The following CNNM4 variants were observed in gnomAD, a reference collection of about 807,000 sequenced individuals.
CNNM4 encodes the protein metal transporter CNNM4.
Under a neutral mutation model 53.7 loss-of-function variants are expected in CNNM4, and 32 were observed. That is an observed-to-expected ratio of 0.60 (90% CI 0.45 to 0.80). CNNM4 has a LOEUF of 0.80. CNNM4 is among the 30% of genes least tolerant of loss of function. The pLI, the probability that CNNM4 is intolerant of heterozygous loss-of-function variation, is 0.00. For synonymous variants in CNNM4, 410 were observed against 440.0 expected (o/e 0.93, Z 0.85); for missense variants, 784 against 1,022.0 (o/e 0.77, Z 3.17).
intron 1 of CNNM4, among the ~76,000 whole-genome samples, chr2:96,795,633 T>C (rs1316235371): frequency 6.6e-6 from 1 of 152,100 alleles, no homozygotes; most frequent in Non-Finnish European, 1.5e-5. Context: ...CTTAAAGACC[T>C]GGAAAACATC....
At chr2:96,795,082 T>C (rs2079091307) in intron 1 of CNNM4, among the ~76,000 whole-genome samples, 1 of 152,264 alleles carries the variant, frequency 6.6e-6, no homozygotes, top group Non-Finnish European at 1.5e-5. Context: ...ATCTGAAATC[T>C]GAAACACTTC....
intron 1 of CNNM4, among the ~76,000 whole-genome samples, chr2:96,783,988 C>T (rs1339976608): frequency 6.6e-6 from 1 of 152,196 alleles, no homozygotes. Flanking sequence ...AGAAAATACA[C>T]AGTTAACAGT....
Position 96,760,977 on chromosome 2 carries a change from G to A in CNNM4, c.-23G>A. On this transcript the variant is annotated 5_prime_UTR_variant, in exon 1 of 7. Transcript: ENST00000377075. Reference sequence around the variant, plus strand: ...CGCGCGGCGTGGCGCGGGGAGCGGCGGCGGCGGCAGAGCCAGAGCAACATG... The same window carrying A: ...CGCGCGGCGTGGCGCGGGGAGCGGCAGCGGCGGCAGAGCCAGAGCAACATG... 3 of 1,040,884 alleles carry A rather than the reference G, an allele frequency of 2.9e-6. No homozygotes were observed. The highest frequency in any genetic ancestry group is 3.5e-6 in the Non-Finnish European group (3 of 866,360). 64.5% of individuals were successfully genotyped at this position (1,040,884 alleles called of 1,614,324 possible).
rs750802395 is a variant in CNNM4, at chr2:96,809,540, C to T, written c.*23C>T. ...TGACAGGAGGGCCCGGGGCCCCCTG[C>T]CCACCCTGCGGGGGCCTCCCCAGTG... On this transcript the variant is annotated 3_prime_UTR_variant, in exon 7 of 7. Coordinates refer to ENST00000377075, the MANE Select transcript of CNNM4 (RefSeq NM_020184.4). 4.3e-6 allele frequency: 7 copies of T among 1,611,114 alleles called. No individual in the cohort carries two copies. The East Asian group carries it at 1.3e-4, about 31-fold the overall frequency.
chr2:96,761,669 A>G lies in CNNM4; in HGVS notation c.670A>G (p.Lys224Glu). The G allele has an allele frequency of 6.2e-7, 1 of 1,611,092 alleles. No individual in the cohort carries two copies. Among genetic ancestry groups the G allele is most frequent in the Non-Finnish European group, 8.5e-7 (1 of 1,179,978 alleles). ...LRIVQNCGTE[K>E]ERRYARKIEP... Reference sequence around the variant, plus strand: ...CATCGTGCAGAACTGTGGCACCGAGAAGGAGAGGCGCTATGCCCGCAAGAT... The same window carrying G: ...CATCGTGCAGAACTGTGGCACCGAGGAGGAGAGGCGCTATGCCCGCAAGAT... Residue 224 changes from lysine (K) to glutamate (E), a missense_variant, in exon 1 of 7, where the codon AAG (lysine) becomes GAG (glutamate). Around this residue, in one of 3 missense-constraint regions of CNNM4, gnomAD observed 473 missense variants for 624.6 expected, o/e 0.76. Coordinates refer to ENST00000377075, the MANE Select transcript of CNNM4 (RefSeq NM_020184.4). The surrounding 1 kb of genome is among the most constrained non-coding windows in gnomAD (Gnocchi z 6.0).
chr2:96,770,978 G>GA (rs1012446948), intron 1 of CNNM4, among the ~76,000 whole-genome samples: 1 of 152,204 alleles, frequency 6.6e-6, no homozygotes, highest in Non-Finnish European at 1.5e-5. Context: ...GGGATTCTTG[G>GA]AACTCCTTAG....
At position 96,801,509 on chromosome 2, in the gene CNNM4, G is replaced by A. The variant is rs192758695; in HGVS notation, c.1948+1861G>A. ...CACACACAGAGACCACACACAGAGAGAGACCACACACAGAGATAGCACACA... is the reference window on the plus strand; with the variant it reads ...CACACACAGAGACCACACACAGAGAAAGACCACACACAGAGATAGCACACA... On this transcript the variant is annotated intron_variant, in intron 5 of 6. Coordinates refer to ENST00000377075, the MANE Select transcript of CNNM4 (RefSeq NM_020184.4). This position sits in a 1 kb window ranked among gnomAD's most constrained non-coding sequence, Gnocchi z 5.6. Among the ~76,000 whole-genome samples the A allele has an allele frequency of 1.4e-5, 2 of 147,292 alleles. No homozygotes were observed. The highest frequency in any genetic ancestry group is 3.0e-5 in the Non-Finnish European group (2 of 66,862).
At chr2:96,788,121 C>G (rs1001864554) in intron 1 of CNNM4, among the ~76,000 whole-genome samples, 4 of 152,174 alleles carry the variant, frequency 2.6e-5, no homozygotes, top group Admixed American at 1.3e-4. Flanking sequence ...TGGGGCTTCA[C>G]CATGTTGGCC....
At chr2:96,772,155 G>A (rs780652458) in intron 1 of CNNM4, among the ~76,000 whole-genome samples, 5 of 151,880 alleles carry the variant, frequency 3.3e-5, no homozygotes, top group Non-Finnish European at 7.4e-5. Flanking sequence ...CCACACATGT[G>A]CACACCCACA....
At chr2:96,799,767 G>A in intron 5 of CNNM4, 119 bp downstream of exon 5, 1 of 917,124 alleles carries the variant, frequency 1.1e-6, no homozygotes, top group Non-Finnish European at 1.7e-6. Context: ...TGGGGCAGAG[G>A]GAGGCTGGTG....
In CNNM4 at chr2:96,799,170, C is replaced by A. The variant is rs990677578; in HGVS notation, c.1795C>A (p.Arg599Ser). The A allele has an allele frequency of 6.2e-7, 1 of 1,614,180 alleles. No individual in the cohort carries two copies. The highest frequency in any genetic ancestry group is 1.3e-5 in the African/African-American group (1 of 75,032). ...KFDEHNKYYA[R>S]HYLYTRNKPA... ...TGACGAGCACAATAAGTACTACGCC[C>A]GCCATTACCTGTACACCCGAAATAA... The change falls in exon 4 of 7, where the codon CGC becomes AGC. Residue 599 changes from arginine (R) to serine (S), a missense_variant. This residue lies in a region of CNNM4 where 307 missense variants were observed against 376.3 expected (regional missense o/e 0.82). Coordinates refer to ENST00000377075, the MANE Select transcript of CNNM4 (RefSeq NM_020184.4).
At chr2:96,803,725 TA>T (rs75290184) in intron 5 of CNNM4, among the ~76,000 whole-genome samples, 40,166 of 143,288 alleles carry the variant, frequency 0.28, 11,203 homozygotes, top group African/African-American at 0.72. Flanking sequence ...AAACTCTGTC[TA>T]AAAAAAAAAA....
intron 5 of CNNM4, among the ~76,000 whole-genome samples, chr2:96,806,080 G>A (rs182390914): frequency 0.031 from 4,403 of 140,688 alleles, 86 homozygotes; most frequent in East Asian, 0.065. Context: ...CAGGGGGGCT[G>A]ACCCCCCCCA....
At chr2:96,792,114 G>T (rs1177674838) in intron 1 of CNNM4, among the ~76,000 whole-genome samples, 1 of 151,732 alleles carries the variant, frequency 6.6e-6, no homozygotes, top group Non-Finnish European at 1.5e-5. Flanking sequence ...AATTAGCCGA[G>T]TGTGGTGGCA....
At chr2:96,785,348 A>C (rs2079007986) in intron 1 of CNNM4, among the ~76,000 whole-genome samples, 1 of 152,130 alleles carries the variant, frequency 6.6e-6, no homozygotes, top group South Asian at 2.1e-4. Context: ...AAAGAAGTAA[A>C]ACCGAAGTCC....
Position 96,794,677 on chromosome 2 carries a change from G to A in CNNM4, c.1403-2335G>A, listed in dbSNP as rs77036625. 2.8e-3 allele frequency among the ~76,000 whole-genome samples: 430 copies of A among 152,206 alleles called. 23 individuals are homozygous for A. The East Asian group carries it at 0.077, about 27-fold the overall frequency. On this transcript the variant is annotated intron_variant, in intron 1 of 6. Transcript: ENST00000377075. ...CCCCTTCTCTTGTGTCTTTTGTGAA[G>A]GTTGCCTCTCCCTAGGGTGAGTTCC...
At chr2:96,784,423 A>G (rs1386787398) in intron 1 of CNNM4, among the ~76,000 whole-genome samples, 3 of 152,244 alleles carry the variant, frequency 2.0e-5, no homozygotes, top group African/African-American at 7.2e-5. Flanking sequence ...AAGGCTGGTC[A>G]TGAGGAGCTG....
intron 1 of CNNM4, among the ~76,000 whole-genome samples, chr2:96,785,937 A>C (rs963582843): frequency 3.3e-5 from 5 of 151,940 alleles, no homozygotes; most frequent in African/African-American, 1.2e-4. Context: ...AATACAAAAA[A>C]TTAGCCGGGC....
At chr2:96,779,074 A>G (rs976043738) in intron 1 of CNNM4, among the ~76,000 whole-genome samples, 1 of 152,072 alleles carries the variant, frequency 6.6e-6, no homozygotes, top group Admixed American at 6.6e-5. Context: ...CTCCTGCCTC[A>G]GCCTCTTGAG....
Sources: allele counts gnomAD v4.1 joint callset (sites outside exome capture counted in the v4.1 genomes callset), GRCh38; gene constraint gnomAD v4.1.1; regional missense constraint gnomAD v4.1.1; non-coding constraint Gnocchi (gnomAD v3.1); transcripts MANE v1.5; gene names NCBI Gene and HGNC (gene_info 2026-07-23, HGNC 2026-07-21).